The following SLC35D4 variants were observed in gnomAD, a reference collection of about 807,000 sequenced individuals.
SLC35D4 encodes the protein UDP-N-acetylglucosamine transporter SLC35D4.
chr18:23,301,631 C>T, the SLC35D4 span, among the ~76,000 whole-genome samples: 2 of 152,160 alleles, frequency 1.3e-5, no homozygotes, highest in African/African-American at 2.4e-5. Context: ...TCATGGAATC[C>T]TTAGAACAAA....
the SLC35D4 span, among the ~76,000 whole-genome samples, chr18:23,256,574 G>A: frequency 2.9e-4 from 44 of 152,118 alleles, no homozygotes; most frequent in Middle Eastern, 3.4e-3. Context: ...TCCACCTCCC[G>A]GGTTCAAGTG....
chr18:23,320,795 G>A, the SLC35D4 span, among the ~76,000 whole-genome samples: 5 of 152,220 alleles, frequency 3.3e-5, no homozygotes, highest in Non-Finnish European at 2.9e-5. Flanking sequence ...CAAAAGGTCT[G>A]CCTTTCAGAG....
chr18:23,374,032 C>A, the SLC35D4 span, among the ~76,000 whole-genome samples: 1 of 152,220 alleles, frequency 6.6e-6, no homozygotes, highest in African/African-American at 2.4e-5. Context: ...AAAACCACAG[C>A]TGGCTCACTT....
the SLC35D4 span, among the ~76,000 whole-genome samples, chr18:23,357,397 C>T: frequency 1.3e-5 from 2 of 152,260 alleles, no homozygotes; most frequent in African/African-American, 4.8e-5. Context: ...AACTTGGTCA[C>T]AAACAAGAAG....
chr18:23,285,712 C>A, the SLC35D4 span, among the ~76,000 whole-genome samples: 18 of 151,958 alleles, frequency 1.2e-4, no homozygotes, highest in African/African-American at 1.9e-4. Flanking sequence ...TCCCCTCCTC[C>A]CCAGGCTAAG....
chr18:23,341,941 A>G, the SLC35D4 span, among the ~76,000 whole-genome samples: 11 of 152,174 alleles, frequency 7.2e-5, no homozygotes, highest in Non-Finnish European at 7.4e-5. Context: ...AATACAATAA[A>G]TAAAAAAGAG....
the SLC35D4 span, among the ~76,000 whole-genome samples, chr18:23,363,282 C>T: frequency 6.7e-6 from 1 of 149,822 alleles, no homozygotes; most frequent in Admixed American, 6.6e-5. Flanking sequence ...AATTATTCAC[C>T]CAAGTCCACT....
chr18:23,290,324 C>T, the SLC35D4 span, among the ~76,000 whole-genome samples: 2 of 152,252 alleles, frequency 1.3e-5, no homozygotes, highest in East Asian at 3.8e-4. Context: ...GGCCTGATTG[C>T]CCTGGCCTCC....
chr18:23,346,478 A>G, the SLC35D4 span, among the ~76,000 whole-genome samples: 5 of 151,042 alleles, frequency 3.3e-5, no homozygotes, highest in East Asian at 9.6e-4. Flanking sequence ...CTCATTTGTG[A>G]ATAAAGACAA....
the SLC35D4 span, among the ~76,000 whole-genome samples, chr18:23,340,872 C>G: frequency 6.6e-6 from 1 of 152,220 alleles, no homozygotes; most frequent in Non-Finnish European, 1.5e-5. Flanking sequence ...ACTCTGACCT[C>G]CGCTGCTTCT....
the SLC35D4 span, chr18:23,370,264 G>A: frequency 6.2e-7 from 1 of 1,612,796 alleles, no homozygotes; most frequent in Non-Finnish European, 8.5e-7. Context: ...ATAAGCCCCT[G>A]AAAATGAAAT....
chr18:23,280,148 G>C, the SLC35D4 span, among the ~76,000 whole-genome samples: 1 of 152,408 alleles, frequency 6.6e-6, no homozygotes, highest in East Asian at 1.9e-4. Flanking sequence ...ACCAGACCCT[G>C]CACTGCAGGC....
chr18:23,409,560 G>T, the SLC35D4 span, among the ~76,000 whole-genome samples: 1 of 152,310 alleles, frequency 6.6e-6, no homozygotes, highest in South Asian at 2.1e-4. Context: ...TAGGAAAAAG[G>T]CTGGGCAAGG....
chr18:23,418,180 C>T, the SLC35D4 span, among the ~76,000 whole-genome samples: 1 of 151,950 alleles, frequency 6.6e-6, no homozygotes, highest in African/African-American at 2.4e-5. Context: ...AATAACTTCT[C>T]CTTTGGATTA....
At chr18:23,261,633 A>T in the SLC35D4 span, among the ~76,000 whole-genome samples, 1 of 152,194 alleles carries the variant, frequency 6.6e-6, no homozygotes, top group Non-Finnish European at 1.5e-5. Flanking sequence ...AAAAGAAAAA[A>T]GTACATCTAA....
chr18:23,313,126 CAAAAAAAAAAAA>C, the SLC35D4 span, among the ~76,000 whole-genome samples: 1,343 of 29,516 alleles, frequency 0.046, 31 homozygotes, highest in Middle Eastern at 0.16. Flanking sequence ...GACTACATCT[CAAAAAAAAAAAA>C]AAAAAAAAAA....
the SLC35D4 span, among the ~76,000 whole-genome samples, chr18:23,263,974 G>A: frequency 6.6e-6 from 1 of 152,226 alleles, no homozygotes; most frequent in African/African-American, 2.4e-5. Context: ...GAGCAGGACT[G>A]GATTCCATCA....
chr18:23,243,464 T>G, the SLC35D4 span, among the ~76,000 whole-genome samples: 3 of 145,664 alleles, frequency 2.1e-5, no homozygotes, highest in African/African-American at 5.0e-5. Context: ...GGTGTGGGTT[T>G]GGTGTTTTTT....
the SLC35D4 span, among the ~76,000 whole-genome samples, chr18:23,291,616 G>T: frequency 6.6e-6 from 1 of 152,030 alleles, no homozygotes; most frequent in Admixed American, 6.5e-5. Flanking sequence ...AGTGGGGCCT[G>T]TCTCCTGGAG....
Sources: gnomAD v4.1 joint callset for allele counts (sites outside exome capture counted in the v4.1 genomes callset) on GRCh38, gnomAD v4.1.1 for gene constraint, MANE v1.5 for transcripts, NCBI Gene and HGNC (gene_info 2026-07-23, HGNC 2026-07-21) for gene names.